The following PPP1CB variants were observed in gnomAD, a reference collection of about 807,000 sequenced individuals.
The protein encoded by PPP1CB is serine/threonine-protein phosphatase PP1-beta catalytic subunit.
In PPP1CB, 2 loss-of-function variants were observed where a neutral mutation model predicts 43.7. That is an observed-to-expected ratio of 0.05 (90% CI 0.02 to 0.14). PPP1CB has a LOEUF of 0.14. Ranked by LOEUF, PPP1CB falls within the 10% of genes least tolerant of loss-of-function variation. PPP1CB has a pLI of 1.00. For synonymous variants in PPP1CB, 136 were observed against 135.6 expected, an observed-to-expected ratio of 1.00 and a Z score of -0.02; for missense variants, 84 against 398.0, an observed-to-expected ratio of 0.21 and a Z score of 6.71.
At chr2:28,755,880 CAT>C (rs1221748652) in intron 1 of PPP1CB, among the ~76,000 whole-genome samples, 31 of 152,150 alleles carry the variant, frequency 2.0e-4, no homozygotes, top group African/African-American at 7.5e-4. Context: ...TATTATGTGT[CAT>C]ATATGTGATA....
intron 1 of PPP1CB, among the ~76,000 whole-genome samples, chr2:28,774,556 G>C (rs1666990205): frequency 1.3e-5 from 2 of 151,986 alleles, no homozygotes; most frequent in South Asian, 4.2e-4. Context: ...CTCCCAAGTA[G>C]CTGAGATTAC....
Position 28,776,888 on chromosome 2 carries a change from T to C in PPP1CB, c.90T>C (p.Thr30=), listed in dbSNP as rs1558304665. ...GCRPGKIVQM[T]EAEVRGLCIK... Reference sequence around the variant, plus strand: ...GTCCAGGAAAGATTGTGCAGATGACTGAAGCAGAAGTTCGAGGCTTATGTA... The same window carrying C: ...GTCCAGGAAAGATTGTGCAGATGACCGAAGCAGAAGTTCGAGGCTTATGTA... Residue 30 remains threonine, a synonymous_variant, in exon 2 of 8, where the codon ACT becomes ACC. Coordinates refer to ENST00000395366, the MANE Select transcript of PPP1CB (RefSeq NM_002709.3). The C allele has an allele frequency of 6.2e-7, 1 of 1,613,422 alleles. No individual in the cohort carries two copies. Among genetic ancestry groups the C allele is most frequent in the Non-Finnish European group, 8.5e-7 (1 of 1,179,470 alleles).
At chr2:28,780,916 G>A (rs903045195) in intron 3 of PPP1CB, among the ~76,000 whole-genome samples, 1 of 123,088 alleles carries the variant, frequency 8.1e-6, no homozygotes, top group Non-Finnish European at 2.0e-5. Flanking sequence ...TCACACAAAA[G>A]AATACTAGTT....
At chr2:28,781,667 C>A in intron 3 of PPP1CB, 71 bp from the exon 4 acceptor site, 1 of 1,033,726 alleles carries the variant, frequency 9.7e-7, no homozygotes, top group Non-Finnish European at 1.5e-6. Context: ...CATTCATAAT[C>A]CTGCGGCTTT....
rs1480492087 is a variant in PPP1CB at position 28,800,872 on chromosome 2, T to C, written c.*1569T>C. On this transcript the variant is annotated 3_prime_UTR_variant, in exon 8 of 8. Transcript: ENST00000395366. The stretch of plus-strand genomic sequence containing the variant: ...TGTTAAATTGAGAAACCTGTTAACT[T>C]ACATTTTATGAATTGGCACATTGTA... 6.6e-6 allele frequency: 1 copy of C among 152,578 alleles called. No homozygotes were observed. The highest frequency in any genetic ancestry group is 1.5e-5 in the Non-Finnish European group (1 of 67,980). 9.5% of individuals were successfully genotyped at this position (152,578 alleles called of 1,614,324 possible).
At chr2:28,752,250 C>A in intron 1 of PPP1CB, 74 bp downstream of exon 1, 1 of 1,352,522 alleles carries the variant, frequency 7.4e-7, no homozygotes, top group Non-Finnish European at 1.0e-6. Context: ...CGTCTGCCGC[C>A]GGAACGCGAG....
At chr2:28,764,702 G>A (rs2148459842) in intron 1 of PPP1CB, among the ~76,000 whole-genome samples, 1 of 151,828 alleles carries the variant, frequency 6.6e-6, no homozygotes, top group East Asian at 2.0e-4. Flanking sequence ...AAGGCGAGTG[G>A]ATCACTTGAG....
At chr2:28,763,796 C>T (rs914996186) in intron 1 of PPP1CB, among the ~76,000 whole-genome samples, 1 of 152,134 alleles carries the variant, frequency 6.6e-6, no homozygotes, top group African/African-American at 2.4e-5. Context: ...CCTCTGCCTC[C>T]CGGGTTGAAG....
chr2:28,752,666 T>A (rs1666348207), intron 1 of PPP1CB, among the ~76,000 whole-genome samples: 1 of 152,248 alleles, frequency 6.6e-6, no homozygotes, highest in Non-Finnish European at 1.5e-5. Flanking sequence ...AAACCTGTCC[T>A]TAACAGGACT....
intron 1 of PPP1CB, among the ~76,000 whole-genome samples, chr2:28,753,750 T>C (rs999317659): frequency 6.6e-6 from 1 of 152,222 alleles, no homozygotes; most frequent in African/African-American, 2.4e-5. Flanking sequence ...TTTTTATTTT[T>C]TGAGACGGAG....
intron 6 of PPP1CB, 97 bp from the exon 7 acceptor site, chr2:28,793,766 G>T: frequency 2.2e-6 from 3 of 1,363,660 alleles, no homozygotes; most frequent in Non-Finnish European, 3.0e-6. Flanking sequence ...TGGGGGTGAG[G>T]TGGGGCACAG....
intron 2 of PPP1CB, chr2:28,778,315 A>G (rs933702230): frequency 4.3e-6 from 2 of 468,672 alleles, no homozygotes; most frequent in African/African-American, 2.0e-5. Flanking sequence ...GCTTACAGCA[A>G]CATTAATTTA....
At chr2:28,763,727 C>T (rs1030942985) in intron 1 of PPP1CB, among the ~76,000 whole-genome samples, 7 of 152,142 alleles carry the variant, frequency 4.6e-5, no homozygotes, top group African/African-American at 1.4e-4. Flanking sequence ...TGTTTTGAGA[C>T]GGAGTCTCAC....
At chr2:28,788,192 T>C (rs1212394020) in intron 5 of PPP1CB, among the ~76,000 whole-genome samples, 2 of 152,066 alleles carry the variant, frequency 1.3e-5, no homozygotes, top group Non-Finnish European at 2.9e-5. Flanking sequence ...CCCTACCAAA[T>C]ATAAAGACTT....
intron 1 of PPP1CB, among the ~76,000 whole-genome samples, chr2:28,753,165 T>C (rs1324168682): frequency 6.6e-6 from 1 of 152,126 alleles, no homozygotes; most frequent in Non-Finnish European, 1.5e-5. Flanking sequence ...AATAATTGTT[T>C]TGTGAGTGTG....
intron 1 of PPP1CB, among the ~76,000 whole-genome samples, chr2:28,754,225 G>C (rs190038406): frequency 2.0e-5 from 3 of 151,474 alleles, no homozygotes; most frequent in African/African-American, 7.3e-5. Context: ...TAAACTTCAC[G>C]AGTGGGTTGT....
intron 1 of PPP1CB, among the ~76,000 whole-genome samples, chr2:28,765,471 A>T (rs1478931382): frequency 6.6e-6 from 1 of 152,228 alleles, no homozygotes; most frequent in African/African-American, 2.4e-5. Context: ...TCGGCTGCAC[A>T]GTTAAATGGA....
chr2:28,779,477 A>G (rs989833308), intron 3 of PPP1CB, among the ~76,000 whole-genome samples: 2 of 152,182 alleles, frequency 1.3e-5, no homozygotes, highest in African/African-American at 2.4e-5. Flanking sequence ...ATTTAAATCT[A>G]TGTCTGTAAA....
intron 1 of PPP1CB, among the ~76,000 whole-genome samples, chr2:28,764,879 C>T (rs1178210786): frequency 2.0e-5 from 3 of 151,760 alleles, no homozygotes; most frequent in African/African-American, 7.3e-5. Flanking sequence ...CAAGATCATG[C>T]CATTATACTC....
Sources: gnomAD v4.1 joint callset for allele counts (sites outside exome capture counted in the v4.1 genomes callset) on GRCh38, gnomAD v4.1.1 for gene constraint, MANE v1.5 for transcripts, NCBI Gene and HGNC (gene_info 2026-07-23, HGNC 2026-07-21) for gene names.